KIAA1328: variants seen among roughly 807,000 people sequenced by gnomAD.
KIAA1328 encodes protein hinderin.
In KIAA1328, 52 loss-of-function variants were observed where a neutral mutation model predicts 68.1. The ratio of observed to expected loss-of-function variants is 0.76; its 90% confidence interval spans 0.61 to 0.96. The LOEUF is 0.96. KIAA1328 is among the 40% of genes least tolerant of loss of function. KIAA1328 has a pLI of 0.00. For missense variants in KIAA1328, 641 were observed against 677.6 expected (o/e 0.95, Z 0.60); for synonymous variants, 232 against 239.4 (o/e 0.97, Z 0.28).
chr18:36,866,469 T>TA (rs763181617), intron 4 of KIAA1328, among the ~76,000 whole-genome samples: 3 of 151,472 alleles, frequency 2.0e-5, no homozygotes, highest in African/African-American at 7.3e-5. Context: ...AAAATAAATT[T>TA]AAAAAAAAGG....
chr18:36,974,033 T>G (rs149447635), intron 6 of KIAA1328, among the ~76,000 whole-genome samples: 1 of 152,252 alleles, frequency 6.6e-6, no homozygotes, highest in East Asian at 1.9e-4. Flanking sequence ...TTAGATATGA[T>G]TGGGCACAGT....
chr18:37,046,630 A>T (rs1376405984), intron 6 of KIAA1328, among the ~76,000 whole-genome samples: 1 of 152,222 alleles, frequency 6.6e-6, no homozygotes, highest in Non-Finnish European at 1.5e-5. Context: ...ACACCTTGGT[A>T]ACACTTCAGT....
chr18:36,986,400 T>C (rs993515204), intron 6 of KIAA1328, among the ~76,000 whole-genome samples: 2 of 149,726 alleles, frequency 1.3e-5, no homozygotes, highest in South Asian at 4.3e-4. Context: ...AACCTAGGCA[T>C]TACCATTCAG....
At chr18:36,857,076 G>T (rs1050785106) in intron 4 of KIAA1328, among the ~76,000 whole-genome samples, 5 of 152,032 alleles carry the variant, frequency 3.3e-5, no homozygotes, top group African/African-American at 1.2e-4. Context: ...CTCTCCCTTA[G>T]CCTCCTTGCA....
At position 37,067,654 on chromosome 18, in the gene KIAA1328, G is replaced by A. The variant is rs997343681; in HGVS notation, c.1232+109G>A. 48 of 1,171,372 alleles carry A rather than the reference G, an allele frequency of 4.1e-5. No homozygotes were observed. In the East Asian group the frequency reaches 4.2e-4, roughly 10 times the overall value. 72.6% of individuals were successfully genotyped at this position (1,171,372 alleles called of 1,614,324 possible). A position where few individuals can be genotyped will look rare whatever the true frequency, so the allele number is the denominator to read the frequency against. ...CAGCTCACTGCAGCCTCCGCCTCCC[G>A]AGTTCAAGCAGTTCTCTGCCTCAGC... On this transcript the variant is annotated intron_variant, in intron 7 of 9. Transcript: ENST00000280020.
At chr18:36,986,116 CAA>C (rs1161158211) in intron 6 of KIAA1328, among the ~76,000 whole-genome samples, 1 of 151,362 alleles carries the variant, frequency 6.6e-6, no homozygotes, top group Non-Finnish European at 1.5e-5. Context: ...GGTATTTACT[CAA>C]GAGAAGTGAA....
intron 5 of KIAA1328, among the ~76,000 whole-genome samples, chr18:36,942,044 G>A (rs1598772213): frequency 6.6e-6 from 1 of 152,154 alleles, no homozygotes; most frequent in African/African-American, 2.4e-5. Flanking sequence ...GTATGCTTGT[G>A]GAAGTTAATA....
intron 6 of KIAA1328, among the ~76,000 whole-genome samples, chr18:36,981,740 C>T (rs2052696052): frequency 6.7e-6 from 1 of 149,036 alleles, no homozygotes; most frequent in Admixed American, 6.9e-5. Flanking sequence ...GTGCACAACA[C>T]GACACCTGGC....
intron 5 of KIAA1328, among the ~76,000 whole-genome samples, chr18:36,954,829 G>A (rs1290967730): frequency 6.6e-6 from 1 of 151,618 alleles, no homozygotes; most frequent in Non-Finnish European, 1.5e-5. Flanking sequence ...TGAGTAGCTG[G>A]GATTACAGGC....
At position 37,224,834 on chromosome 18, in the gene KIAA1328, A is replaced by C; in HGVS notation, c.*2607A>C. 1.0e-6 allele frequency: 1 copy of C among 985,534 alleles called. No individual in the cohort carries two copies. Among genetic ancestry groups the C allele is most frequent in the Non-Finnish European group, 1.2e-6 (1 of 830,000 alleles). The allele number at this position is 985,534 out of a possible 1,614,324, so 61.0% of individuals were successfully genotyped here. On this transcript the variant is annotated 3_prime_UTR_variant, in exon 10 of 10. Coordinates refer to ENST00000280020, the MANE Select transcript of KIAA1328 (RefSeq NM_020776.3). ...CTCACCATTGCCCACCCTGCTGCCCAACTCCTGTGAGAGAAAAACCAATCA... is the reference window on the plus strand; with the variant it reads ...CTCACCATTGCCCACCCTGCTGCCCCACTCCTGTGAGAGAAAAACCAATCA...
At chr18:37,214,825 A>G (rs1479194983) in intron 9 of KIAA1328, among the ~76,000 whole-genome samples, 1 of 151,900 alleles carries the variant, frequency 6.6e-6, no homozygotes, top group African/African-American at 2.4e-5. Context: ...TTTTTATTTC[A>G]TTGAGCAGTG....
intron 4 of KIAA1328, among the ~76,000 whole-genome samples, chr18:36,850,022 T>A (rs1014991457): frequency 2.4e-4 from 37 of 152,264 alleles, no homozygotes; most frequent in African/African-American, 7.9e-4. Flanking sequence ...TTCACATCTT[T>A]TGCCCATTTA....
chr18:37,183,477 G>A (rs139862210), intron 9 of KIAA1328, among the ~76,000 whole-genome samples: 2 of 152,146 alleles, frequency 1.3e-5, no homozygotes, highest in African/African-American at 4.8e-5. Context: ...GGAAGCCCCT[G>A]CTCTGGAGCT....
At chr18:37,076,235 T>A (rs2056729992) in intron 7 of KIAA1328, among the ~76,000 whole-genome samples, 1 of 152,148 alleles carries the variant, frequency 6.6e-6, no homozygotes. Flanking sequence ...GAATGACTAC[T>A]GGGTACATAA....
chr18:37,162,979 A>G (rs981421866), intron 8 of KIAA1328, among the ~76,000 whole-genome samples: 24 of 152,298 alleles, frequency 1.6e-4, no homozygotes, highest in African/African-American at 5.5e-4. Context: ...TAAGATATAT[A>G]GACTTGTTCA....
At chr18:36,948,410 C>T (rs113536958) in intron 5 of KIAA1328, among the ~76,000 whole-genome samples, 16,021 of 150,840 alleles carry the variant, frequency 0.11, 1,064 homozygotes, top group Non-Finnish European at 0.13. Context: ...TACAGGCATG[C>T]GCCACCACGC....
chr18:36,967,631 G>C (rs1027104287), intron 6 of KIAA1328, among the ~76,000 whole-genome samples: 1 of 152,156 alleles, frequency 6.6e-6, no homozygotes, highest in Non-Finnish European at 1.5e-5. Context: ...CAAAGGACTG[G>C]GACATCAGGA....
Position 37,136,034 on chromosome 18 carries a change from T to C in KIAA1328, c.1233-24166T>C, listed in dbSNP as rs1200378565. 2.6e-5 allele frequency among the ~76,000 whole-genome samples: 4 copies of C among 152,168 alleles called. No individual in the cohort carries two copies. The East Asian group carries it at 7.7e-4, about 29-fold the overall frequency. ...ATGTGTCTGTTTTGTACCAGGACCA[T>C]GCTGTTTTGGTTACTGTAACCTTAT... On this transcript the variant is annotated intron_variant, in intron 7 of 9. Transcript: ENST00000280020.
At chr18:37,079,844 G>T (rs1262816486) in intron 7 of KIAA1328, among the ~76,000 whole-genome samples, 4 of 146,844 alleles carry the variant, frequency 2.7e-5, no homozygotes, top group African/African-American at 1.0e-4. Context: ...CTGAGATTGG[G>T]CCACTGCACT....
Sources: allele counts gnomAD v4.1 joint callset (sites outside exome capture counted in the v4.1 genomes callset), GRCh38; gene constraint gnomAD v4.1.1; transcripts MANE v1.5; gene names NCBI Gene and HGNC (gene_info 2026-07-23, HGNC 2026-07-21).